Variants in KIF15 observed in about 807,000 individuals in gnomAD.
KIF15 encodes the protein kinesin-like protein KIF15.
KIF15 carries 140 observed loss-of-function variants against 190.6 expected under a neutral mutation model. That is an observed-to-expected ratio of 0.73 (90% CI 0.64 to 0.84). The LOEUF is 0.84. KIF15 is among the 40% of genes least tolerant of loss of function. The probability of loss-of-function intolerance (pLI) is 0.00; values close to 1 mark genes in which losing one functional copy is unlikely to be tolerated. For synonymous variants in KIF15, 528 were observed against 551.3 expected (o/e 0.96, Z 0.59); for missense variants, 1,372 against 1,584.4 (o/e 0.87, Z 2.28).
At chr3:44,774,215 C>T (rs934870613) in intron 1 of KIF15, among the ~76,000 whole-genome samples, 180 bp from the exon 2 acceptor site, 1 of 152,126 alleles carries the variant, frequency 6.6e-6, no homozygotes, top group African/African-American at 2.4e-5. Context: ...GGTGTTACAA[C>T]CAGTAATGGG....
intron 16 of KIF15, among the ~76,000 whole-genome samples, chr3:44,806,729 G>T (rs1056500376): frequency 6.6e-6 from 1 of 152,156 alleles, no homozygotes; most frequent in Non-Finnish European, 1.5e-5. Context: ...AGTCCAGCTT[G>T]AATTCAAGTT....
At chr3:44,836,708 GT>G (rs1354278460) in intron 26 of KIF15, among the ~76,000 whole-genome samples, 1 of 152,158 alleles carries the variant, frequency 6.6e-6, no homozygotes, top group Non-Finnish European at 1.5e-5. Flanking sequence ...CCTAGGTCTG[GT>G]TGCTTACCAC....
intron 7 of KIF15, among the ~76,000 whole-genome samples, chr3:44,793,390 A>G (rs970468003): frequency 3.3e-5 from 5 of 152,216 alleles, no homozygotes; most frequent in Non-Finnish European, 7.3e-5. Flanking sequence ...TTTCCTGTCC[A>G]ACATTCTCAT....
At chr3:44,769,118 G>A (rs756493186) in intron 1 of KIF15, among the ~76,000 whole-genome samples, 8 of 152,136 alleles carry the variant, frequency 5.3e-5, no homozygotes, top group East Asian at 3.8e-4. Context: ...TTAACTTTTC[G>A]CAGTTTAGAG....
chr3:44,815,563 G>A (rs189909848), intron 20 of KIF15, among the ~76,000 whole-genome samples: 2 of 152,306 alleles, frequency 1.3e-5, no homozygotes, highest in East Asian at 3.9e-4. Flanking sequence ...GCTCTGGAGG[G>A]AAAGGTGTGC....
chr3:44,800,825 A>G (rs775734193), intron 11 of KIF15, among the ~76,000 whole-genome samples: 2 of 152,200 alleles, frequency 1.3e-5, no homozygotes, highest in Non-Finnish European at 2.9e-5. Context: ...TTATTAACAG[A>G]TCTTAAGAGG....
intron 29 of KIF15, among the ~76,000 whole-genome samples, chr3:44,841,483 C>T (rs1033181446): frequency 2.0e-4 from 30 of 151,642 alleles, no homozygotes; most frequent in Non-Finnish European, 2.2e-4. Context: ...CTGCAAGCTC[C>T]GCCTCCCAGG....
intron 1 of KIF15, among the ~76,000 whole-genome samples, chr3:44,765,701 C>T (rs977501304): frequency 6.6e-6 from 1 of 152,180 alleles, no homozygotes; most frequent in Non-Finnish European, 1.5e-5. Context: ...GTAGCTACTC[C>T]TAATTGTCTT....
chr3:44,808,309 G>A (rs574880510), intron 16 of KIF15, among the ~76,000 whole-genome samples: 1 of 152,302 alleles, frequency 6.6e-6, no homozygotes, highest in South Asian at 2.1e-4. Flanking sequence ...AGGACTCAGA[G>A]GATTAGGTTT....
intron 19 of KIF15, 120 bp from the exon 20 acceptor site, chr3:44,814,791 A>T: frequency 1.5e-6 from 1 of 684,056 alleles, no homozygotes; most frequent in South Asian, 2.9e-5. Context: ...TTAATTCTTT[A>T]ACATTTTTCC....
chr3:44,782,060 T>C (rs900781561), intron 5 of KIF15, among the ~76,000 whole-genome samples: 1 of 151,982 alleles, frequency 6.6e-6, no homozygotes, highest in Admixed American at 6.6e-5. Flanking sequence ...CTTCTTTTTA[T>C]TTTTTTTGAG....
chr3:44,811,610 A>G (rs1707788314), intron 17 of KIF15, among the ~76,000 whole-genome samples: 1 of 152,202 alleles, frequency 6.6e-6, no homozygotes, highest in Non-Finnish European at 1.5e-5. Flanking sequence ...GCGCCACTGC[A>G]CTCTAGCCTG....
At position 44,802,964 on chromosome 3, in the gene KIF15, A is replaced by G. The variant is rs1034872903; in HGVS notation, c.1660A>G (p.Ile554Val). ...AAAACTAGAAAAAGCTTTCTCTGAA[A>G]TAAGTGGCATGGAGAAAAGTGACAA... ...IAKLEKAFSE[I>V]SGMEKSDKNQ... Residue 554 changes from isoleucine (I) to valine (V), a missense_variant, in exon 14 of 35, where the codon ATA becomes GTA. Physicochemically the swap from Ile to Val is conservative, Grantham distance 29. Coordinates refer to ENST00000326047, the MANE Select transcript of KIF15 (RefSeq NM_020242.3). 1.2e-6 allele frequency: 2 copies of G among 1,600,224 alleles called. No individual in the cohort carries two copies. The highest frequency in any genetic ancestry group is 2.2e-5 in the East Asian group (1 of 44,806).
intron 19 of KIF15, 144 bp downstream of exon 19, chr3:44,813,324 C>A: frequency 1.9e-6 from 1 of 535,360 alleles, no homozygotes. Context: ...CTGCAGTTTG[C>A]ATGCAGTGGT....
At chr3:44,806,868 C>T (rs773315885) in intron 16 of KIF15, among the ~76,000 whole-genome samples, 4 of 152,064 alleles carry the variant, frequency 2.6e-5, no homozygotes, top group Non-Finnish European at 4.4e-5. Context: ...GCCTCAGCCT[C>T]CCGAGTAGCT....
chr3:44,785,881 C>T (rs1465620692), intron 6 of KIF15, among the ~76,000 whole-genome samples: 1 of 152,112 alleles, frequency 6.6e-6, no homozygotes, highest in Non-Finnish European at 1.5e-5. Context: ...CTCTAGGGTG[C>T]CTGGCACCAC....
chr3:44,863,649 A>C, intron 6 of KIF15: 1 of 153,056 alleles, frequency 6.5e-6, no homozygotes, highest in Non-Finnish European at 1.5e-5. Context: ...ATAAATGAGA[A>C]TGCTTAAACA....
chr3:44,776,570 G>C (rs1051616844), intron 3 of KIF15, among the ~76,000 whole-genome samples: 1 of 152,196 alleles, frequency 6.6e-6, no homozygotes, highest in Non-Finnish European at 1.5e-5. Flanking sequence ...TGCATCTGAG[G>C]CACTGGAGGT....
In KIF15 at chr3:44,805,026, G is replaced by C; in HGVS notation, c.1688-1G>C. ...GACTGAGATTGTTTTCTTATTAACA[G>C]ATCAGCAAGGATTTTCACCTAAAGC... On this transcript the variant is annotated splice_acceptor_variant, in intron 14 of 34. Transcript: ENST00000326047. LOFTEE classifies it high-confidence loss of function. 6.3e-7 allele frequency: 1 copy of C among 1,599,444 alleles called. No homozygotes were observed. The highest frequency in any genetic ancestry group is 8.5e-7 in the Non-Finnish European group (1 of 1,175,270).
Sources: allele counts gnomAD v4.1 joint callset (sites outside exome capture counted in the v4.1 genomes callset), GRCh38; gene constraint gnomAD v4.1.1; transcripts MANE v1.5; gene names NCBI Gene and HGNC (gene_info 2026-07-23, HGNC 2026-07-21).